PDE7B: variants seen among roughly 807,000 people sequenced by gnomAD.
PDE7B encodes 3',5'-cyclic-AMP phosphodiesterase 7B.
PDE7B carries 29 observed loss-of-function variants against 56.2 expected under a neutral mutation model. That is an observed-to-expected ratio of 0.52 (90% CI 0.38 to 0.70). The LOEUF (loss-of-function observed/expected upper bound fraction) is 0.70. PDE7B is among the 30% of genes least tolerant of loss of function. The probability of loss-of-function intolerance (pLI) is 0.00; values close to 1 mark genes in which losing one functional copy is unlikely to be tolerated. For missense variants in PDE7B, 490 were observed against 565.0 expected (o/e 0.87, Z 1.35); for synonymous variants, 197 against 196.9 (o/e 1.00, Z 0.00).
chr6:135,867,512 C>T (rs985431769), intron 1 of PDE7B, among the ~76,000 whole-genome samples: 1 of 152,044 alleles, frequency 6.6e-6, no homozygotes, highest in African/African-American at 2.4e-5. Context: ...ATTTGCTGTA[C>T]AGATTATTTC....
chr6:136,006,139 G>A (rs1775777491), intron 2 of PDE7B, among the ~76,000 whole-genome samples: 1 of 146,810 alleles, frequency 6.8e-6, no homozygotes, highest in African/African-American at 2.5e-5. Context: ...CTCACTCATA[G>A]GTGGGAATTG....
chr6:135,920,163 G>T (rs982521506), intron 1 of PDE7B, among the ~76,000 whole-genome samples: 1 of 151,926 alleles, frequency 6.6e-6, no homozygotes. Context: ...AATATTTGTC[G>T]TGTCATCCAA....
chr6:136,171,849 C>T (rs1290454043), intron 8 of PDE7B, among the ~76,000 whole-genome samples: 1 of 142,270 alleles, frequency 7.0e-6, no homozygotes, highest in Non-Finnish European at 1.5e-5. Flanking sequence ...CATGTGTTCT[C>T]ATTGTTCAAT....
rs557026907 is a variant in PDE7B, at chr6:135,982,076, T to C, written c.82+34552T>C. Among the ~76,000 whole-genome samples, 4 of 152,208 alleles carry C rather than the reference T, an allele frequency of 2.6e-5. No homozygotes were observed. The East Asian group carries it at 7.8e-4, about 30-fold the overall frequency. ...TGCAGTTTGTCATTGACCCACACGG[T>C]CTTACACAGCACATGACTATACTTA... On this transcript the variant is annotated intron_variant, in intron 2 of 12. Coordinates refer to ENST00000308191, the MANE Select transcript of PDE7B (RefSeq NM_018945.4).
At chr6:136,148,466 A>AGGCAGGCAGGCAGGCAGGCAGGC (rs879737273) in intron 4 of PDE7B, among the ~76,000 whole-genome samples, 17 of 43,034 alleles carry the variant, frequency 4.0e-4, no homozygotes, top group East Asian at 2.7e-3. Context: ...GGAGGGAAGG[A>AGGCAGGCAGGCAGGCAGGCAGGC]AGGAAGGCAG....
chr6:136,001,697 A>G (rs1409929804), intron 2 of PDE7B, among the ~76,000 whole-genome samples: 1 of 152,240 alleles, frequency 6.6e-6, no homozygotes, highest in Non-Finnish European at 1.5e-5. Context: ...ATATGGGACT[A>G]TGTGAAAAGA....
chr6:136,101,099 T>C (rs1016689524), intron 2 of PDE7B, among the ~76,000 whole-genome samples: 4 of 152,228 alleles, frequency 2.6e-5, no homozygotes, highest in Non-Finnish European at 5.9e-5. Flanking sequence ...CAGCCTTGCA[T>C]CCCAGGAATG....
At chr6:136,183,612 A>AG (rs1215945468) in intron 11 of PDE7B, among the ~76,000 whole-genome samples, 1 of 149,106 alleles carries the variant, frequency 6.7e-6, no homozygotes, top group Non-Finnish European at 1.5e-5. Flanking sequence ...AAAAAAAAAA[A>AG]GAAAAAGAAA....
At position 136,147,437 on chromosome 6, in the gene PDE7B, C is replaced by T. The variant is rs1778435597; in HGVS notation, c.253C>T (p.Leu85Phe). Reference protein sequence around the residue: ...FQRYFHASRLLRGIIPQAPLH... With the variant: ...FQRYFHASRLFRGIIPQAPLH... ...AAGATACTTCCATGCATCAAGGCTG[C>T]TTCGTGGAATTATACCACAAGCCCC... The change falls in exon 4 of 13, where the codon CTT becomes TTT. Residue 85 changes from leucine to phenylalanine, a missense_variant. Coordinates refer to ENST00000308191, the MANE Select transcript of PDE7B (RefSeq NM_018945.4). 1 of 1,613,652 alleles carries T rather than the reference C, an allele frequency of 6.2e-7. No individual in the cohort carries two copies. The highest frequency in any genetic ancestry group is 8.5e-7 in the Non-Finnish European group (1 of 1,179,620).
chr6:136,180,289 A>G (rs1019035113), intron 10 of PDE7B, among the ~76,000 whole-genome samples: 12 of 152,198 alleles, frequency 7.9e-5, no homozygotes, highest in African/African-American at 2.9e-4. Context: ...GTCTGATTTG[A>G]GTGACTAAAG....
At chr6:135,931,343 G>A (rs971997327) in intron 1 of PDE7B, among the ~76,000 whole-genome samples, 5 of 152,120 alleles carry the variant, frequency 3.3e-5, no homozygotes, top group African/African-American at 1.2e-4. Flanking sequence ...CATGAATTAT[G>A]TATGATCTGT....
chr6:136,161,295 G>A (rs971570448), intron 8 of PDE7B, among the ~76,000 whole-genome samples: 2 of 151,922 alleles, frequency 1.3e-5, no homozygotes, highest in South Asian at 2.1e-4. Context: ...CACTCGAATC[G>A]CTATTGCCTG....
intron 2 of PDE7B, among the ~76,000 whole-genome samples, chr6:136,100,435 CTCTTT>C (rs1777541539): frequency 6.6e-6 from 1 of 152,056 alleles, no homozygotes; most frequent in Non-Finnish European, 1.5e-5. Flanking sequence ...TATTTGTGTC[CTCTTT>C]TATTTCGTTG....
At position 136,166,468 on chromosome 6, in the gene PDE7B, G is replaced by A. The variant is rs562390108; in HGVS notation, c.712-7329G>A. On this transcript the variant is annotated intron_variant, in intron 8 of 12. Coordinates refer to ENST00000308191, the MANE Select transcript of PDE7B (RefSeq NM_018945.4). ...AAGATGTACAGGAAGCATGATGCTG[G>A]CATCTGCTTGGCTTCTGGGGAGACC... 4.5e-5 allele frequency: 7 copies of A among 156,372 alleles called. No homozygotes were observed. In the South Asian group the frequency reaches 1.3e-3, roughly 28 times the overall value. 9.7% of individuals were successfully genotyped at this position (156,372 alleles called of 1,614,324 possible). A position where few individuals can be genotyped will look rare whatever the true frequency, so the allele number is the denominator to read the frequency against.
intron 2 of PDE7B, among the ~76,000 whole-genome samples, chr6:136,078,562 T>C (rs1777156707): frequency 6.9e-6 from 1 of 145,522 alleles, no homozygotes. Context: ...TTGCACATGG[T>C]GGTGAAAATG....
intron 4 of PDE7B, 105 bp from the exon 5 acceptor site, chr6:136,148,981 GC>G (rs1778466783): frequency 3.9e-6 from 3 of 770,826 alleles, no homozygotes; most frequent in Non-Finnish European, 4.6e-6. Flanking sequence ...ATGGTAGTAT[GC>G]TAGGATTTTC....
At chr6:135,977,980 A>G (rs1479626057) in intron 2 of PDE7B, among the ~76,000 whole-genome samples, 2 of 152,198 alleles carry the variant, frequency 1.3e-5, no homozygotes, top group South Asian at 2.1e-4. Flanking sequence ...CATAATGAGT[A>G]TATTATAATT....
At chr6:135,892,452 A>G (rs1020424149) in intron 1 of PDE7B, among the ~76,000 whole-genome samples, 1 of 152,190 alleles carries the variant, frequency 6.6e-6, no homozygotes, top group East Asian at 1.9e-4. Context: ...CCATATGACC[A>G]TATGATTTCT....
At chr6:136,171,906 C>G (rs374437097) in intron 8 of PDE7B, among the ~76,000 whole-genome samples, 42 of 150,422 alleles carry the variant, frequency 2.8e-4, no homozygotes, top group East Asian at 5.9e-4. Flanking sequence ...TTTGTTCTTG[C>G]GATAGTTTAC....
Sources: gnomAD v4.1 joint callset for allele counts (sites outside exome capture counted in the v4.1 genomes callset) on GRCh38, gnomAD v4.1.1 for gene constraint, MANE v1.5 for transcripts, NCBI Gene and HGNC (gene_info 2026-07-23, HGNC 2026-07-21) for gene names.